The following RC3H1 variants were observed in gnomAD, a reference collection of about 807,000 sequenced individuals.
RC3H1 encodes roquin-1.
RC3H1 carries 50 observed loss-of-function variants against 138.2 expected under a neutral mutation model. That is an observed-to-expected ratio of 0.36 (90% CI 0.29 to 0.46). The LOEUF is 0.46. Among genes scored for constraint, RC3H1 ranks in the 20% least tolerant of loss-of-function variants. RC3H1 has a pLI of 1.00. For synonymous variants in RC3H1, 462 were observed against 489.1 expected (o/e 0.94, Z 0.73); for missense variants, 1,031 against 1,388.1 (o/e 0.74, Z 4.09).
intron 1 of RC3H1, among the ~76,000 whole-genome samples, chr1:174,010,467 T>C (rs1021491995): frequency 2.0e-5 from 3 of 152,204 alleles, no homozygotes; most frequent in African/African-American, 7.2e-5. Flanking sequence ...CAGGCTAGAA[T>C]GCAGTAGCAT....
intron 2 of RC3H1, among the ~76,000 whole-genome samples, chr1:173,989,228 A>G (rs887456183): frequency 1.3e-5 from 2 of 152,010 alleles, no homozygotes. Flanking sequence ...TTTTCTGTAG[A>G]GATGGGGTTT....
chr1:173,949,460 C>T (rs1262109588), intron 14 of RC3H1, among the ~76,000 whole-genome samples: 1 of 151,832 alleles, frequency 6.6e-6, no homozygotes, highest in Non-Finnish European at 1.5e-5. Context: ...CCTCTGCCTC[C>T]CAGGTTCAAG....
intron 3 of RC3H1, 44 bp downstream of exon 3, chr1:173,984,455 A>C: frequency 6.3e-7 from 1 of 1,593,542 alleles, no homozygotes; most frequent in Non-Finnish European, 8.5e-7. Flanking sequence ...GAGTATTTAA[A>C]AAAGCAGTTT....
chr1:173,988,725 T>C (rs1306075401), intron 2 of RC3H1, among the ~76,000 whole-genome samples: 29 of 152,246 alleles, frequency 1.9e-4, no homozygotes, highest in Admixed American at 1.9e-3. Flanking sequence ...TGCTAATGTT[T>C]TGGATTTTGG....
rs890634740 is a variant in RC3H1, at chr1:173,932,522, A to G, written c.*6199T>C. The G allele has an allele frequency of 6.6e-6, 1 of 152,138 alleles. No individual in the cohort carries two copies. Among genetic ancestry groups the G allele is most frequent in the Non-Finnish European group, 1.5e-5 (1 of 68,002 alleles). The allele number at this position is 152,138 out of a possible 1,614,324, so 9.4% of individuals were successfully genotyped here. ...TAAAGAAAGATAATGAGACCTGTGG[A>G]CTAATTAATTTTTTTAAAAAAGTTC... is the stretch of plus-strand genomic sequence containing the variant. On this transcript the variant is annotated 3_prime_UTR_variant, in exon 20 of 20. Transcript: ENST00000367696.
intron 13 of RC3H1, among the ~76,000 whole-genome samples, chr1:173,958,122 A>T (rs1449452349): frequency 6.6e-6 from 1 of 152,206 alleles, no homozygotes; most frequent in Non-Finnish European, 1.5e-5. Flanking sequence ...AAAGGATGCA[A>T]GACAAGTTCC....
intron 1 of RC3H1, among the ~76,000 whole-genome samples, chr1:174,014,064 A>AG (rs1661815560): frequency 6.6e-6 from 1 of 152,218 alleles, no homozygotes; most frequent in Non-Finnish European, 1.5e-5. Context: ...CAGAGGGATG[A>AG]GGCAGAGATG....
At chr1:173,984,398 G>C (rs544053733) in intron 3 of RC3H1, 101 bp downstream of exon 3, 1 of 1,088,350 alleles carries the variant, frequency 9.2e-7, no homozygotes, top group Non-Finnish European at 1.3e-6. Context: ...TTTACCTCTA[G>C]TTAGGTTTTT....
intron 9 of RC3H1, among the ~76,000 whole-genome samples, chr1:173,965,895 C>T (rs939821437): frequency 2.0e-5 from 3 of 152,204 alleles, no homozygotes; most frequent in Admixed American, 2.0e-4. Context: ...AATCCCAGCA[C>T]TCTGGGAGGC....
intron 1 of RC3H1, among the ~76,000 whole-genome samples, chr1:174,012,354 A>G (rs895659133): frequency 7.2e-5 from 11 of 152,204 alleles, no homozygotes; most frequent in African/African-American, 2.4e-4. Context: ...TATAAATAAT[A>G]TGTTTATGAA....
At chr1:173,980,734 T>G in intron 6 of RC3H1, 75 bp downstream of exon 6, 1 of 1,118,538 alleles carries the variant, frequency 8.9e-7, no homozygotes, top group South Asian at 1.4e-5. Flanking sequence ...AGTATTCACT[T>G]TAATATACAT....
intron 1 of RC3H1, among the ~76,000 whole-genome samples, chr1:174,018,222 T>C (rs191092854): frequency 1.1e-4 from 17 of 150,916 alleles, no homozygotes; most frequent in Admixed American, 1.1e-3. Context: ...AAATGCTTGA[T>C]AACTGTCAAA....
At chr1:173,993,691 C>G (rs548283743) in intron 1 of RC3H1, among the ~76,000 whole-genome samples, 53 of 150,190 alleles carry the variant, frequency 3.5e-4, no homozygotes, top group South Asian at 6.5e-4. Context: ...CCATGCCCAG[C>G]TAAATCTCTA....
At chr1:173,967,886 A>G (rs147093823) in intron 9 of RC3H1, among the ~76,000 whole-genome samples, 12 of 152,330 alleles carry the variant, frequency 7.9e-5, no homozygotes, top group African/African-American at 2.6e-4. Context: ...ACTAAAAACA[A>G]ACAAACAAAA....
chr1:174,004,262 C>A (rs1488804897), intron 1 of RC3H1, among the ~76,000 whole-genome samples: 2 of 151,658 alleles, frequency 1.3e-5, no homozygotes, highest in African/African-American at 2.4e-5. Flanking sequence ...TAGGTGTGCA[C>A]CAACACACCT....
rs758433331 is a variant in RC3H1 at position 173,992,820 on chromosome 1, T to C, written c.166A>G (p.Thr56Ala). Residue 56 changes from threonine to alanine, a missense_variant, in exon 2 of 20, where the codon ACT (threonine) becomes GCT (alanine). Transcript: ENST00000367696. ...AGGAGCTCAATGTCTGTATTGATAG[T>C]GGTCTGGTCAAATGGGCAAGCCTTG... ...HRKACPFDQT[T>A]INTDIELLPV... 2 of 1,614,142 alleles carry C rather than the reference T, an allele frequency of 1.2e-6. No homozygotes were observed. Among genetic ancestry groups the C allele is most frequent in the Non-Finnish European group, 1.7e-6 (2 of 1,180,034 alleles).
At chr1:173,944,691 A>G (rs1309590136) in intron 17 of RC3H1, among the ~76,000 whole-genome samples, 1 of 152,268 alleles carries the variant, frequency 6.6e-6, no homozygotes, top group African/African-American at 2.4e-5. Flanking sequence ...CAAACATGGC[A>G]TTCTGTTTCT....
At chr1:174,000,525 T>C (rs1419271926) in intron 1 of RC3H1, among the ~76,000 whole-genome samples, 1 of 152,216 alleles carries the variant, frequency 6.6e-6, no homozygotes, top group Non-Finnish European at 1.5e-5. Flanking sequence ...CACCAGGTCT[T>C]ACATATCTGA....
At position 173,964,854 on chromosome 1, in the gene RC3H1, C is replaced by A. The variant is rs140894628; in HGVS notation, c.1601G>T (p.Gly534Val). Residue 534 changes from glycine (G) to valine (V), a missense_variant, in exon 10 of 20, where the codon GGA becomes GTA. Physicochemically the swap from Gly to Val is moderately radical, Grantham distance 109. Around this residue, in one of 7 missense-constraint regions of RC3H1, gnomAD observed 716 missense variants for 837.9 expected, o/e 0.85. Coordinates refer to ENST00000367696, the MANE Select transcript of RC3H1 (RefSeq NM_172071.4). ...KIDHLSSSAP[G>V]SPPDLLESVP... ...AATGACGTACAGGTCAGGAGGGGAT[C>A]CAGGAGCACTACTGCTCAGATGATC... The A allele has an allele frequency of 8.7e-6, 14 of 1,613,784 alleles. No homozygotes were observed. The African/African-American group carries it at 1.6e-4, about 18-fold the overall frequency.
Sources: allele counts gnomAD v4.1 joint callset (sites outside exome capture counted in the v4.1 genomes callset), GRCh38; gene constraint gnomAD v4.1.1; regional missense constraint gnomAD v4.1.1; transcripts MANE v1.5; gene names NCBI Gene and HGNC (gene_info 2026-07-23, HGNC 2026-07-21).